Variants in TET2 observed in about 807,000 individuals in gnomAD.
The protein encoded by TET2 is tet methylcytosine dioxygenase 2, also known as methylcytosine dioxygenase TET2.
A neutral mutation model predicts 142.9 loss-of-function variants in TET2; 299 were observed. The ratio of observed to expected loss-of-function variants is 2.09; its 90% CI spans 1.90 to 2.30. TET2 has a LOEUF of 2.30. Among genes scored for constraint, TET2 ranks in the 30% most tolerant of loss-of-function variants. The pLI is 0.00. For missense variants in TET2, 2,418 were observed against 2,378.0 expected (o/e 1.02, Z -0.35); for synonymous variants, 819 against 849.0 (o/e 0.96, Z 0.61).
At chr4:105,209,049 G>GTATGTATA (rs1726992809) in intron 2 of TET2, among the ~76,000 whole-genome samples, 1 of 44,354 alleles carries the variant, frequency 2.3e-5, no homozygotes, top group Non-Finnish European at 8.2e-5. Context: ...TCAAGGCATG[G>GTATGTATA]TATATATATA....
intron 2 of TET2, among the ~76,000 whole-genome samples, chr4:105,208,510 A>G (rs2110535593): frequency 6.6e-6 from 1 of 152,284 alleles, no homozygotes; most frequent in Non-Finnish European, 1.5e-5. Flanking sequence ...GCCTTTAAGT[A>G]TAAGGGATAG....
rs2110288473 is a variant in TET2, at chr4:105,261,798, C to G, written c.3994C>G (p.Leu1332Val). 1 of 1,549,746 alleles carries G rather than the reference C, an allele frequency of 6.5e-7. No homozygotes were observed. Among genetic ancestry groups the G allele is most frequent in the Middle Eastern group, 1.7e-4 (1 of 5,970 alleles). The change falls in exon 8 of 11, where the codon CTT (leucine) becomes GTT (valine). Residue 1332 changes from leucine (L) to valine (V), a missense_variant. Leu to Val is a conservative substitution (Grantham distance 32). Coordinates refer to ENST00000380013, the MANE Select transcript of TET2 (RefSeq NM_001127208.3). ...LESHLQNLST[L>V]MAPTYKKLAP... Reference sequence around the variant, plus strand: ...GTCTCATTTGCAAAACCTGTCCACTCTTATGGCACCAACATATAAGAAACT... The same window carrying G: ...GTCTCATTTGCAAAACCTGTCCACTGTTATGGCACCAACATATAAGAAACT...
intron 6 of TET2, among the ~76,000 whole-genome samples, chr4:105,251,527 A>G (rs1305499889): frequency 2.0e-5 from 3 of 152,168 alleles, no homozygotes; most frequent in Non-Finnish European, 4.4e-5. Context: ...AATATGGTAT[A>G]TTATATTGAT....
chr4:105,197,814 T>C (rs1435824999), intron 2 of TET2, among the ~76,000 whole-genome samples: 1 of 152,228 alleles, frequency 6.6e-6, no homozygotes, highest in Non-Finnish European at 1.5e-5. Flanking sequence ...TCTGAAAGGT[T>C]TTTCCCTTTA....
At chr4:105,248,714 A>T (rs1560556847) in intron 6 of TET2, among the ~76,000 whole-genome samples, 1 of 152,198 alleles carries the variant, frequency 6.6e-6, no homozygotes, top group Non-Finnish European at 1.5e-5. Context: ...GTTTCAGTAC[A>T]TTCACAAAGC....
Position 105,259,625 on chromosome 4 carries a change from T to C in TET2, c.3810T>C (p.Thr1270=), listed in dbSNP as rs1390414886. The C allele has an allele frequency of 6.4e-7, 1 of 1,550,736 alleles. No individual in the cohort carries two copies. Among genetic ancestry groups the C allele is most frequent in the Admixed American group, 2.0e-5 (1 of 50,938 alleles). ...NRRCALNEER[T]CACQGLDPET... ...TGGTCTTTTGATTTTTCAGGAGAAC[T>C]TGCGCCTGTCAGGGGCTGGATCCAG... Residue 1270 remains threonine, a synonymous_variant, in exon 7 of 11, where the codon ACT becomes ACC. Transcript: ENST00000380013.
At chr4:105,152,434 G>A (rs1258287711) in intron 1 of TET2, among the ~76,000 whole-genome samples, 1 of 151,898 alleles carries the variant, frequency 6.6e-6, no homozygotes, top group Non-Finnish European at 1.5e-5. Flanking sequence ...TCTATTGGAA[G>A]GTAGGCACTG....
At chr4:105,146,375 T>A (rs1479104615), upstream of TET2, 1 of 152,366 alleles carries the variant, frequency 6.6e-6, no homozygotes, top group African/African-American at 2.4e-5. Flanking sequence ...CCCGCCGAGG[T>A]CCCCGGGGTT....
chr4:105,223,424 C>A (rs191714489), intron 2 of TET2, among the ~76,000 whole-genome samples: 1 of 151,786 alleles, frequency 6.6e-6, no homozygotes, highest in Non-Finnish European at 1.5e-5. Context: ...AAGAAATGCC[C>A]TATAAAAAAC....
intron 2 of TET2, among the ~76,000 whole-genome samples, chr4:105,207,278 A>G (rs1726881336): frequency 6.6e-6 from 1 of 152,232 alleles, no homozygotes; most frequent in African/African-American, 2.4e-5. Flanking sequence ...TAATTTCACA[A>G]GAAATTGCTT....
chr4:105,236,543 T>G lies in TET2; in HGVS notation c.2601T>G (p.Tyr867Ter), dbSNP rs145844118. ...NKTQNLHHMQ[Y>*]FPNNVIPKQD... ...CCCAAAACTTGCATCACATGCAATA[T>G]TTTCCAAATAATGTGATCCCAAAGC... is the stretch of plus-strand genomic sequence containing the variant. The change falls in exon 3 of 11, where the codon TAT becomes TAG. Residue 867 changes from tyrosine to a stop codon, truncating the protein, a stop_gained. Coordinates refer to ENST00000380013, the MANE Select transcript of TET2 (RefSeq NM_001127208.3). LOFTEE classifies it high-confidence loss of function. The G allele has an allele frequency of 1.2e-6, 2 of 1,614,068 alleles. No individual in the cohort carries two copies. The highest frequency in any genetic ancestry group is 1.7e-6 in the Non-Finnish European group (2 of 1,179,982).
At chr4:105,163,854 A>AGAGTGTGTGTGT (rs1553942671) in intron 1 of TET2, among the ~76,000 whole-genome samples, 2 of 85,168 alleles carry the variant, frequency 2.3e-5, no homozygotes, top group Non-Finnish European at 4.8e-5. Context: ...AGAGAGAGAG[A>AGAGTGTGTGTGT]GTGTGTGTGT....
chr4:105,269,968 T>A (rs900079847), intron 9 of TET2, among the ~76,000 whole-genome samples: 2 of 152,154 alleles, frequency 1.3e-5, no homozygotes, highest in African/African-American at 4.8e-5. Flanking sequence ...GAACTCCCCT[T>A]TATAAAATCA....
At chr4:105,246,006 C>G (rs1484353186) in intron 6 of TET2, among the ~76,000 whole-genome samples, 1 of 152,168 alleles carries the variant, frequency 6.6e-6, no homozygotes, top group Non-Finnish European at 1.5e-5. Flanking sequence ...TCTCAGCTCA[C>G]CACAACCTCC....
chr4:105,160,401 G>A (rs141220587), intron 1 of TET2, among the ~76,000 whole-genome samples: 36 of 152,278 alleles, frequency 2.4e-4, no homozygotes, highest in African/African-American at 7.7e-4. Flanking sequence ...CTGGTGCTAT[G>A]TATTAGCTGT....
In TET2 at chr4:105,235,222, A is replaced by G. The variant is rs1728777406; in HGVS notation, c.1280A>G (p.Asn427Ser). 2 of 1,613,996 alleles carry G rather than the reference A, an allele frequency of 1.2e-6. No individual in the cohort carries two copies. Among genetic ancestry groups the G allele is most frequent in the Non-Finnish European group, 1.7e-6 (2 of 1,180,012 alleles). Residue 427 changes from asparagine to serine, a missense_variant, in exon 3 of 11, where the codon AAT (asparagine) becomes AGT (serine). Asn to Ser is a conservative substitution (Grantham distance 46). Coordinates refer to ENST00000380013, the MANE Select transcript of TET2 (RefSeq NM_001127208.3). Reference protein sequence around the residue: ...QLPSEGKSTLNGGVLEEHHHY... With the variant: ...QLPSEGKSTLSGGVLEEHHHY... ...CCTTCAGAAGGAAAAAGCACTCTGA[A>G]TGGTGGAGTTTTAGAAGAACACCAC...
intron 1 of TET2, among the ~76,000 whole-genome samples, chr4:105,152,937 G>T (rs1723380995): frequency 6.6e-6 from 1 of 152,108 alleles, no homozygotes; most frequent in African/African-American, 2.4e-5. Context: ...AGTGTTAAGT[G>T]TCTTGGTGAT....
At chr4:105,273,052 G>C (rs1731042709) in intron 10 of TET2, 134 bp downstream of exon 10, 2 of 679,968 alleles carry the variant, frequency 2.9e-6, no homozygotes, top group Admixed American at 5.9e-5. Context: ...TGTTATACAG[G>C]TAAACATGTG....
At chr4:105,175,222 A>T (rs1486867261) in intron 1 of TET2, among the ~76,000 whole-genome samples, 1 of 152,220 alleles carries the variant, frequency 6.6e-6, no homozygotes, top group Non-Finnish European at 1.5e-5. Context: ...CAGTTTGAAG[A>T]CACTGAATAA....
Sources: allele counts gnomAD v4.1 joint callset (sites outside exome capture counted in the v4.1 genomes callset), GRCh38; gene constraint gnomAD v4.1.1; transcripts MANE v1.5; gene names NCBI Gene and HGNC (gene_info 2026-07-23, HGNC 2026-07-21).